The following SOX6 variants were observed in gnomAD, a reference collection of about 807,000 sequenced individuals.
SOX6 encodes the protein transcription factor SOX-6.
SOX6 carries 11 observed loss-of-function variants against 97.8 expected under a neutral mutation model. The observed-to-expected ratio is 0.11, with a 90% CI of 0.07 to 0.19. The LOEUF is 0.19. Ranked by LOEUF, SOX6 falls within the 10% of genes least tolerant of loss-of-function variation. The pLI is 1.00. For synonymous variants in SOX6, 360 were observed against 371.4 expected (o/e 0.97, Z 0.35); for missense variants, 810 against 1,039.5 (o/e 0.78, Z 3.04).
chr11:16,194,920 T>A (rs1851731185), intron 4 of SOX6, among the ~76,000 whole-genome samples: 1 of 152,220 alleles, frequency 6.6e-6, no homozygotes, highest in Non-Finnish European at 1.5e-5. Context: ...GTCTTTACAT[T>A]ACTGTTCTCT....
At chr11:16,305,688 T>A (rs187570586) in intron 3 of SOX6, among the ~76,000 whole-genome samples, 1 of 152,240 alleles carries the variant, frequency 6.6e-6, no homozygotes, top group Non-Finnish European at 1.5e-5. Flanking sequence ...ATATGTGATT[T>A]ATACATATGA....
chr11:16,249,864 G>A (rs187104470), intron 3 of SOX6, among the ~76,000 whole-genome samples: 48 of 152,176 alleles, frequency 3.2e-4, no homozygotes, highest in African/African-American at 1.0e-3. Context: ...TTTATATTAC[G>A]AGGTTAATTC....
intron 4 of SOX6, among the ~76,000 whole-genome samples, chr11:16,563,853 C>T (rs528722352): frequency 6.6e-6 from 1 of 152,194 alleles, no homozygotes; most frequent in South Asian, 2.1e-4. Context: ...ATCTTAAAAG[C>T]ATCCAAAGAA....
chr11:16,414,697 A>C (rs796229966), intron 1 of SOX6, among the ~76,000 whole-genome samples: 15 of 152,190 alleles, frequency 9.9e-5, no homozygotes, highest in Non-Finnish European at 1.5e-5. Flanking sequence ...CAGATCACAG[A>C]GGCGAGATCA....
chr11:16,614,239 G>A (rs997777416), intron 3 of SOX6, among the ~76,000 whole-genome samples: 1 of 152,074 alleles, frequency 6.6e-6, no homozygotes. Context: ...TCCCTTCTGC[G>A]GTGACCTCGG....
At chr11:16,461,742 T>G (rs1253072549) in intron 1 of SOX6, among the ~76,000 whole-genome samples, 1 of 152,224 alleles carries the variant, frequency 6.6e-6, no homozygotes, top group Non-Finnish European at 1.5e-5. Flanking sequence ...AGTAGTATTT[T>G]TAACTCTATT....
At chr11:15,995,519 G>A (rs1854197333) in intron 13 of SOX6, among the ~76,000 whole-genome samples, 1 of 152,008 alleles carries the variant, frequency 6.6e-6, no homozygotes, top group African/African-American at 2.4e-5. Context: ...TAAAAAGTAT[G>A]AGTTGTACAA....
chr11:16,032,803 C>T (rs1170777992), intron 12 of SOX6, among the ~76,000 whole-genome samples: 7 of 152,120 alleles, frequency 4.6e-5, no homozygotes, highest in Non-Finnish European at 1.0e-4. Context: ...TATGCAGACA[C>T]ATGCCCCAAC....
intron 4 of SOX6, among the ~76,000 whole-genome samples, chr11:16,200,932 T>C (rs7131157): frequency 0.58 from 87,265 of 151,576 alleles, 25,873 homozygotes; most frequent in East Asian, 0.75. Context: ...ATGTTGAAAC[T>C]CTGTCTCTAC....
intron 4 of SOX6, among the ~76,000 whole-genome samples, chr11:16,595,862 T>TTACTGCTGC (rs1242555694): frequency 4.6e-5 from 7 of 152,200 alleles, no homozygotes. Context: ...TAGAGAGGGT[T>TTACTGCTGC]TACTGCTGCT....
At chr11:16,166,041 C>CAATGAA in intron 6 of SOX6, among the ~76,000 whole-genome samples, 1 of 152,024 alleles carries the variant, frequency 6.6e-6, no homozygotes, top group South Asian at 2.1e-4. Context: ...ACAAATTATT[C>CAATGAA]ACTAATTTAG....
intron 3 of SOX6, among the ~76,000 whole-genome samples, chr11:16,622,327 A>G (rs895532558): frequency 6.6e-6 from 1 of 152,160 alleles, no homozygotes; most frequent in African/African-American, 2.4e-5. Flanking sequence ...TTACATGAAT[A>G]AGTTCTTTAG....
Position 16,334,220 on chromosome 11 carries a change from T to C in SOX6, c.237+6792A>G, listed in dbSNP as rs778798397. ...AAAAAAAAAAGATACTAATGTCCGA[T>C]TTTCATTTATCTGTCAAAATACAAA... On this transcript the variant is annotated intron_variant, in intron 2 of 15. Transcript: ENST00000683767. Among the ~76,000 whole-genome samples, 3 of 152,048 alleles carry C rather than the reference T, an allele frequency of 2.0e-5. 1 individual carries two copies. Among genetic ancestry groups the C allele is most frequent in the Non-Finnish European group, 2.9e-5 (2 of 68,002 alleles).
chr11:16,586,851 G>C (rs774401208), intron 4 of SOX6, among the ~76,000 whole-genome samples: 9 of 152,200 alleles, frequency 5.9e-5, no homozygotes, highest in Non-Finnish European at 1.0e-4. Context: ...GACAGTCCTT[G>C]TTTTGCATTA....
intron 4 of SOX6, among the ~76,000 whole-genome samples, chr11:16,207,616 A>G (rs1015645704): frequency 1.3e-5 from 2 of 151,880 alleles, no homozygotes; most frequent in African/African-American, 4.8e-5. Context: ...AAAGTAAAGA[A>G]CAAATTCATT....
At chr11:16,453,399 A>G (rs1014126017) in intron 1 of SOX6, among the ~76,000 whole-genome samples, 2 of 152,010 alleles carry the variant, frequency 1.3e-5, no homozygotes, top group Admixed American at 6.6e-5. Context: ...CATATCCTCA[A>G]ATCTATGCCC....
chr11:16,569,161 AT>A (rs368603503), intron 4 of SOX6, among the ~76,000 whole-genome samples: 19 of 152,328 alleles, frequency 1.2e-4, no homozygotes, highest in South Asian at 1.2e-3. Context: ...CCCCACTGCA[AT>A]TTTTAAAGGC....
intron 3 of SOX6, among the ~76,000 whole-genome samples, chr11:16,612,496 T>C (rs1261711887): frequency 2.0e-5 from 3 of 151,770 alleles, no homozygotes; most frequent in East Asian, 1.9e-4. Context: ...TTTAATCTTT[T>C]TGGCATCTCA....
At chr11:16,170,449 C>T (rs76698650) in intron 6 of SOX6, among the ~76,000 whole-genome samples, 4,210 of 151,576 alleles carry the variant, frequency 0.028, 170 homozygotes, top group African/African-American at 0.089. Flanking sequence ...TGTCCCCAGT[C>T]GGCATAAAAG....
Sources: allele counts gnomAD v4.1 joint callset (sites outside exome capture counted in the v4.1 genomes callset), GRCh38; gene constraint gnomAD v4.1.1; transcripts MANE v1.5; gene names NCBI Gene and HGNC (gene_info 2026-07-23, HGNC 2026-07-21).